The following DEPDC5 variants were observed in gnomAD, a reference collection of about 807,000 sequenced individuals.
DEPDC5 encodes the protein GATOR1 complex protein DEPDC5.
In DEPDC5, 73 loss-of-function variants were observed where a neutral mutation model predicts 217.3. The observed-to-expected ratio is 0.34, with a 90% confidence interval of 0.28 to 0.41. The LOEUF (loss-of-function observed/expected upper bound fraction) is 0.41, where lower values mean the gene tolerates loss of function less well. DEPDC5 is among the 10% of genes least tolerant of loss of function. The probability of loss-of-function intolerance (pLI) is 1.00; values close to 1 mark genes in which losing one functional copy is unlikely to be tolerated. For synonymous variants in DEPDC5, 733 were observed against 756.7 expected (o/e 0.97, Z 0.51); for missense variants, 1,675 against 2,070.1 (o/e 0.81, Z 3.70).
rs756937906 is a variant in DEPDC5, at chr22:31,778,159, A to G, written c.474A>G (p.Glu158=). 1 of 1,614,168 alleles carries G rather than the reference A, an allele frequency of 6.2e-7. No individual in the cohort carries two copies. The highest frequency in any genetic ancestry group is 8.5e-7 in the Non-Finnish European group (1 of 1,179,980). ...NEKVMCGYIS[E]DTRVVFRSTS... ...AGGTCATGTGTGGCTACATCAGTGA[A>G]GATACCAGGGTAAGATTTATAAAAT... is the stretch of plus-strand genomic sequence containing the variant. Residue 158 remains glutamate (E), a synonymous_variant, in exon 8 of 43, where the codon GAA becomes GAG. Coordinates refer to ENST00000651528, the MANE Select transcript of DEPDC5 (RefSeq NM_001242896.3).
At chr22:31,899,000 T>C (rs949201636) in intron 40 of DEPDC5, among the ~76,000 whole-genome samples, 3 of 152,254 alleles carry the variant, frequency 2.0e-5, no homozygotes, top group African/African-American at 7.2e-5. Flanking sequence ...CTATTGTTTT[T>C]ATTATGTTGA....
intron 21 of DEPDC5, chr22:31,815,447 A>G: frequency 1.5e-6 from 1 of 675,866 alleles, no homozygotes; most frequent in Admixed American, 2.5e-5. Context: ...TGATGCAATC[A>G]CAGCTCACCT....
Position 31,797,669 on chromosome 22 carries a change from C to A in DEPDC5, c.837C>A (p.Ile279=), listed in dbSNP as rs548632275. 31 of 1,614,020 alleles carry A rather than the reference C, an allele frequency of 1.9e-5. 1 individual carries two copies. In the South Asian group the frequency reaches 3.4e-4, roughly 18 times the overall value. ...TCGTAACCATTAAAAAACTCTTCAT[C>A]CAGTATCCAGTGTTGGTGCGACTGG... ...SLLVTIKKLF[I]QYPVLVRLEQ... The change falls in exon 13 of 43, where the codon ATC becomes ATA. Residue 279 remains isoleucine (I), a synonymous_variant. Transcript: ENST00000651528.
chr22:31,902,042 G>A (rs2093657429), intron 41 of DEPDC5, among the ~76,000 whole-genome samples: 1 of 152,026 alleles, frequency 6.6e-6, no homozygotes, highest in African/African-American at 2.4e-5. Context: ...CAGTTGAGTG[G>A]AGAACATAGA....
intron 27 of DEPDC5, among the ~76,000 whole-genome samples, chr22:31,840,531 CCTGTTGTTCT>C (rs1158007247): frequency 3.9e-5 from 6 of 152,168 alleles, no homozygotes; most frequent in Admixed American, 2.0e-4. Flanking sequence ...AGGCTGCCCA[CCTGTTGTTCT>C]CTGGAATAGC....
chr22:31,795,362 G>T (rs1173430727), intron 12 of DEPDC5, among the ~76,000 whole-genome samples: 2 of 150,676 alleles, frequency 1.3e-5, no homozygotes. Flanking sequence ...GAGCCACTGC[G>T]CTGGGCCTCC....
At chr22:31,778,240 A>G in intron 8 of DEPDC5, 72 bp downstream of exon 8, 1 of 1,494,372 alleles carries the variant, frequency 6.7e-7, no homozygotes. Context: ...AATCAAAAAT[A>G]AAACAAGGGC....
chr22:31,839,043 A>G (rs144474674), intron 27 of DEPDC5, among the ~76,000 whole-genome samples, 198 bp downstream of exon 27: 2 of 152,086 alleles, frequency 1.3e-5, no homozygotes, highest in African/African-American at 4.8e-5. Context: ...TTAATTTACA[A>G]CTCTCCCTTT....
intron 21 of DEPDC5, chr22:31,817,108 C>A: frequency 6.2e-6 from 1 of 160,092 alleles, no homozygotes; most frequent in Non-Finnish European, 1.4e-5. Flanking sequence ...TTCTTTCTTT[C>A]TTTCTTTCTT....
chr22:31,898,971 A>T (rs55796616), intron 40 of DEPDC5, among the ~76,000 whole-genome samples: 2 of 152,220 alleles, frequency 1.3e-5, no homozygotes, highest in Non-Finnish European at 2.9e-5. Context: ...GGCAGTTTTA[A>T]GCCAAGCAGC....
intron 38 of DEPDC5, among the ~76,000 whole-genome samples, chr22:31,886,487 T>A (rs1345681891): frequency 6.6e-6 from 1 of 152,102 alleles, no homozygotes; most frequent in African/African-American, 2.4e-5. Flanking sequence ...AGGCCAGGCA[T>A]GGTGGCTCAC....
chr22:31,836,901 C>CA, intron 25 of DEPDC5, 71 bp from the exon 26 acceptor site: 1 of 1,385,598 alleles, frequency 7.2e-7, no homozygotes, highest in Non-Finnish European at 1.0e-6. Flanking sequence ...CTCCCCTTCC[C>CA]TCCCCTGGCC....
chr22:31,886,621 G>A (rs369108632), intron 38 of DEPDC5, among the ~76,000 whole-genome samples: 2 of 150,164 alleles, frequency 1.3e-5, no homozygotes, highest in African/African-American at 4.9e-5. Context: ...TTAGCGAGGT[G>A]TGGTGGCATG....
intron 10 of DEPDC5, 136 bp downstream of exon 10, chr22:31,785,011 T>C: frequency 1.5e-6 from 1 of 650,596 alleles, no homozygotes. Context: ...TAAATTACCC[T>C]AATAATCTCA....
intron 38 of DEPDC5, among the ~76,000 whole-genome samples, chr22:31,889,541 C>T (rs1030704290): frequency 1.2e-4 from 12 of 99,592 alleles, no homozygotes; most frequent in Admixed American, 3.2e-4. Context: ...GGCAAAACTT[C>T]TTTTTTTTTT....
chr22:31,815,739 C>T, intron 21 of DEPDC5: 2 of 993,092 alleles, frequency 2.0e-6, no homozygotes, highest in Admixed American at 7.4e-5. Context: ...TTACCATTCC[C>T]AGGCTGGTCT....
intron 32 of DEPDC5, chr22:31,858,683 C>G (rs2092395435): frequency 6.6e-6 from 1 of 152,008 alleles, no homozygotes; most frequent in South Asian, 2.1e-4. Context: ...AAAAAAATAG[C>G]TATATATCAT....
intron 8 of DEPDC5, among the ~76,000 whole-genome samples, chr22:31,783,330 C>T (rs1352970295): frequency 1.3e-5 from 2 of 152,040 alleles, no homozygotes; most frequent in Admixed American, 1.3e-4. Flanking sequence ...TGGTCCGTGC[C>T]ACCTTTAACA....
intron 21 of DEPDC5, 120 bp from the exon 22 acceptor site, chr22:31,818,902 C>A: frequency 1.0e-6 from 1 of 988,602 alleles, no homozygotes; most frequent in Non-Finnish European, 1.6e-6. Context: ...ATTTCTCTCA[C>A]TCCCTGACAT....
Sources: allele counts gnomAD v4.1 joint callset (sites outside exome capture counted in the v4.1 genomes callset), GRCh38; gene constraint gnomAD v4.1.1; transcripts MANE v1.5; gene names NCBI Gene and HGNC (gene_info 2026-07-23, HGNC 2026-07-21).